The following DYSF variants were observed in gnomAD, a reference collection of about 807,000 sequenced individuals.
The protein encoded by DYSF is dystrophy-associated fer-1-like 1.
A neutral mutation model predicts 274.9 loss-of-function variants in DYSF; 212 were observed. The observed-to-expected ratio is 0.77, with a 90% CI of 0.69 to 0.86. The LOEUF (loss-of-function observed/expected upper bound fraction) is 0.86, where lower values mean the gene tolerates loss of function less well. Among genes scored for constraint, DYSF ranks in the 40% least tolerant of loss-of-function variants. DYSF has a pLI of 0.00. For missense variants in DYSF, 2,666 were observed against 2,783.2 expected (o/e 0.96, Z 0.95); for synonymous variants, 1,091 against 1,078.7 (o/e 1.01, Z -0.22).
chr2:71,468,227 A>G (rs1257211671), intron 1 of DYSF, among the ~76,000 whole-genome samples: 1 of 152,212 alleles, frequency 6.6e-6, no homozygotes, highest in Admixed American at 6.5e-5. Flanking sequence ...CATTGGCTGG[A>G]AAAGAAATTC....
chr2:71,633,700 AT>A (rs913853209), intron 41 of DYSF, among the ~76,000 whole-genome samples: 12 of 151,394 alleles, frequency 7.9e-5, no homozygotes, highest in African/African-American at 1.5e-4. Context: ...AATAGACCAC[AT>A]TTTTTTTTAA....
In DYSF at chr2:71,515,808, C is replaced by T. The variant is rs551079641; in HGVS notation, c.888+57C>T. On this transcript the variant is annotated intron_variant, in intron 8 of 55. Coordinates refer to ENST00000410020, the MANE Select transcript of DYSF (RefSeq NM_001130987.2). The stretch of plus-strand genomic sequence containing the variant: ...TTGGTGGGCCTTCCAATCTGGAAGC[C>T]CAGTGCAGACACCTGGCAATTCATT... The T allele has an allele frequency of 6.4e-4, 1,029 of 1,610,144 alleles. 8 individuals are homozygous for T. Among genetic ancestry groups the T allele is most frequent in the Non-Finnish European group, 3.3e-5 (39 of 1,177,520 alleles).
At chr2:71,610,224 T>C (rs12713759) in intron 36 of DYSF, among the ~76,000 whole-genome samples, 101,468 of 152,150 alleles carry the variant, frequency 0.67, 35,438 homozygotes, top group African/African-American at 0.89. Flanking sequence ...TTTCTCTAAT[T>C]GTCACAAAGA....
chr2:71,674,308 T>G lies in DYSF; in HGVS notation c.5884+12T>G. ...TGATGATTTTCTGGGTAAGCGCTAT[T>G]GCTAGAATCCCATTCTGCACATGGG... On this transcript the variant is annotated intron_variant, in intron 52 of 55. Coordinates refer to ENST00000410020, the MANE Select transcript of DYSF (RefSeq NM_001130987.2). 2 of 1,613,064 alleles carry G rather than the reference T, an allele frequency of 1.2e-6. No homozygotes were observed. Among genetic ancestry groups the G allele is most frequent in the Non-Finnish European group, 1.7e-6 (2 of 1,178,964 alleles).
chr2:71,515,580 C>G, intron 7 of DYSF, 43 bp from the exon 8 acceptor site: 1 of 1,613,842 alleles, frequency 6.2e-7, no homozygotes, highest in Non-Finnish European at 8.5e-7. Context: ...TGGTCCTTAA[C>G]TCTTCCCCCT....
chr2:71,632,913 C>T (rs1170090450), intron 41 of DYSF, among the ~76,000 whole-genome samples: 1 of 152,236 alleles, frequency 6.6e-6, no homozygotes, highest in African/African-American at 2.4e-5. Flanking sequence ...CCCTTGCCAT[C>T]TGTTTGACTT....
upstream of DYSF, among the ~76,000 whole-genome samples, chr2:71,466,296 C>G (rs1233533113): frequency 6.6e-6 from 1 of 152,204 alleles, no homozygotes; most frequent in African/African-American, 2.4e-5. Flanking sequence ...GACACACTCT[C>G]GTCCCCGCCG....
At chr2:71,548,436 G>A (rs1044090958) in intron 17 of DYSF, among the ~76,000 whole-genome samples, 1 of 152,212 alleles carries the variant, frequency 6.6e-6, no homozygotes, top group Non-Finnish European at 1.5e-5. Context: ...CATCCCGGGT[G>A]TGCACGTGAC....
intron 41 of DYSF, among the ~76,000 whole-genome samples, chr2:71,634,126 C>A (rs2152913322): frequency 6.6e-6 from 1 of 152,302 alleles, no homozygotes; most frequent in African/African-American, 2.4e-5. Context: ...GTCGGACTTA[C>A]TGGGTTGGCT....
chr2:71,567,813 C>T (rs2092192286), intron 24 of DYSF, 138 bp from the exon 25 acceptor site: 14 of 1,272,710 alleles, frequency 1.1e-5, no homozygotes, highest in South Asian at 8.8e-5. Context: ...TTCTGGTAAG[C>T]GCTCCCACAG....
At chr2:71,541,508 A>C (rs1466742860) in intron 17 of DYSF, among the ~76,000 whole-genome samples, 1 of 82,676 alleles carries the variant, frequency 1.2e-5, no homozygotes, top group African/African-American at 4.2e-5. Flanking sequence ...TATGTATTTG[A>C]GTTTTTTTTT....
chr2:71,643,847 C>T, intron 41 of DYSF, 118 bp from the exon 42 acceptor site: 1 of 784,562 alleles, frequency 1.3e-6, no homozygotes. Context: ...CCACATCACC[C>T]TTAGGAAAGC....
intron 3 of DYSF, 50 bp from the exon 4 acceptor site, chr2:71,503,164 C>A (rs1187245438): frequency 6.4e-7 from 1 of 1,550,520 alleles, no homozygotes; most frequent in South Asian, 1.1e-5. Context: ...GGCAGAAGAG[C>A]CAGGGTGCCT....
chr2:71,655,693 C>A (rs918961116), intron 42 of DYSF, among the ~76,000 whole-genome samples: 3 of 152,224 alleles, frequency 2.0e-5, no homozygotes, highest in African/African-American at 7.2e-5. Flanking sequence ...ACTTGAAATG[C>A]TGACCTGTTA....
At chr2:71,655,451 T>C (rs2094750526) in intron 42 of DYSF, among the ~76,000 whole-genome samples, 1 of 152,240 alleles carries the variant, frequency 6.6e-6, no homozygotes, top group Non-Finnish European at 1.5e-5. Flanking sequence ...GTTAACCTGT[T>C]TAATGTTACT....
chr2:71,489,142 C>G (rs1187777894), intron 3 of DYSF, among the ~76,000 whole-genome samples: 6 of 152,144 alleles, frequency 3.9e-5, no homozygotes, highest in Non-Finnish European at 2.9e-5. Flanking sequence ...ATCAAGGGAC[C>G]TGCCACAACG....
chr2:71,540,272 G>A (rs753764648), intron 17 of DYSF, among the ~76,000 whole-genome samples: 16 of 151,938 alleles, frequency 1.1e-4, no homozygotes, highest in South Asian at 2.1e-4. Flanking sequence ...CACCACGCCC[G>A]GCTAATTTTT....
chr2:71,653,667 G>A (rs1319431686), intron 42 of DYSF, among the ~76,000 whole-genome samples: 9 of 108,118 alleles, frequency 8.3e-5, no homozygotes, highest in African/African-American at 2.4e-4. Context: ...TTGTGGGGTG[G>A]GGGGAGGGGG....
intron 41 of DYSF, among the ~76,000 whole-genome samples, chr2:71,639,829 C>T (rs2152920674): frequency 6.6e-6 from 1 of 152,282 alleles, no homozygotes; most frequent in East Asian, 1.9e-4. Context: ...TTGTGGCCAT[C>T]CGTGCCCCAC....
Sources: allele counts gnomAD v4.1 joint callset (sites outside exome capture counted in the v4.1 genomes callset), GRCh38; gene constraint gnomAD v4.1.1; transcripts MANE v1.5; gene names NCBI Gene and HGNC (gene_info 2026-07-23, HGNC 2026-07-21).